The following TRMT2B variants were observed in gnomAD, a reference collection of about 807,000 sequenced individuals.
TRMT2B encodes tRNA methyltransferase 2B, also known as tRNA (uracil-5-)-methyltransferase homolog B.
In TRMT2B, 34 loss-of-function variants were observed where a neutral mutation model predicts 39.7. That is an observed-to-expected ratio of 0.86 (90% CI 0.65 to 1.14). The LOEUF is 1.14. Among genes scored for constraint, TRMT2B ranks in the 50% most tolerant of loss-of-function variants. The pLI is 0.00. For missense variants in TRMT2B, 318 were observed against 377.2 expected (o/e 0.84, Z 1.30); for synonymous variants, 132 against 137.3 (o/e 0.96, Z 0.27).
At chrX:101,045,300 C>A (rs1219705246) in intron 2 of TRMT2B, among the ~76,000 whole-genome samples, 1 of 106,893 alleles carries the variant, frequency 9.4e-6, no homozygotes, top group Non-Finnish European at 1.9e-5. Flanking sequence ...ACTAAAAATA[C>A]AAAATTAGCC....
In TRMT2B at chrX:101,051,479, T is replaced by C. The variant is rs770592600; in HGVS notation, c.-252A>G. 1.3e-6 allele frequency: 1 copy of C among 754,670 alleles called. No homozygotes were observed. The allele number at this position is 754,670 out of a possible 1,213,427, so 62.2% of individuals were successfully genotyped here. A position where few individuals can be genotyped will look rare whatever the true frequency, so the allele number is the denominator to read the frequency against. ...CTCCACTAGCCCTTCCATTCCCTTC[T>C]TCTTTAGGCAAGTTCTGCCCACTGT... On this transcript the variant is annotated 5_prime_UTR_variant, in exon 2 of 14. Coordinates refer to ENST00000372936, the MANE Select transcript of TRMT2B (RefSeq NM_024917.6).
At chrX:100,995,682 G>T in the TRMT2B span, among the ~76,000 whole-genome samples, 2 of 111,855 alleles carry the variant, frequency 1.8e-5, no homozygotes, top group Non-Finnish European at 1.9e-5. Context: ...CTTTAGATCT[G>T]CTCAGAAAAA....
At chrX:100,982,264 G>A in the TRMT2B span, among the ~76,000 whole-genome samples, 1 of 110,966 alleles carries the variant, frequency 9.0e-6, no homozygotes, top group Non-Finnish European at 1.9e-5. Flanking sequence ...GCCAAGGCGG[G>A]TGGATCACCT....
chrX:101,045,148 C>G (rs1486491373), intron 2 of TRMT2B, among the ~76,000 whole-genome samples: 1 of 108,895 alleles, frequency 9.2e-6, no homozygotes, highest in Non-Finnish European at 1.9e-5. Context: ...TATAGTGAGA[C>G]CCATCTCTTA....
rs771940627 is a variant in TRMT2B at position 101,031,660 on chromosome X, AT to A, written c.609+3952del. ...GAGGCGGAGGTTGCAGTGAGCCAAG[AT>A]TGCACCATTGCACTCTAGCCTGGGC... On this transcript the variant is annotated intron_variant, in intron 7 of 13. Transcript: ENST00000372936. 1.8e-3 allele frequency among the ~76,000 whole-genome samples: 198 copies of A among 107,554 alleles called. 1 individual carries two copies. The highest frequency in any genetic ancestry group is 6.6e-3 in the African/African-American group (195 of 29,453). The allele number at this position is 107,554 out of a possible 115,157, so 93.4% of individuals were successfully genotyped here. A position where few individuals can be genotyped will look rare whatever the true frequency, so the allele number is the denominator to read the frequency against.
chrX:101,033,370 G>A lies in TRMT2B; in HGVS notation c.609+2243C>T, dbSNP rs761205237. Among the ~76,000 whole-genome samples the A allele has an allele frequency of 1.4e-4, 15 of 109,965 alleles. No homozygotes were observed. In the South Asian group the frequency reaches 2.3e-3, roughly 17 times the overall value. On this transcript the variant is annotated intron_variant, in intron 7 of 13. Transcript: ENST00000372936. ...AGCACTTTGGGAGGGCGAGGCGGGC[G>A]GATCACCTGAGGTCAGAAGTTCGAG...
At position 101,026,005 on chromosome X, in the gene TRMT2B, GAGAC is replaced by G. The variant is rs1327056822; in HGVS notation, c.610-2393_610-2390del. 1.1e-4 allele frequency among the ~76,000 whole-genome samples: 10 copies of G among 93,472 alleles called. No homozygotes were observed. In the East Asian group the frequency reaches 3.6e-3, roughly 34 times the overall value. 81.2% of individuals were successfully genotyped at this position (93,472 alleles called of 115,157 possible). ...AGAAAGGGAGGGAGGGAAAGAAAGA[GAGAC>G]AGAAAGAGAGAGAAGGACAGAAGGG... On this transcript the variant is annotated intron_variant, in intron 7 of 13. Transcript: ENST00000372936.
At chrX:101,016,815 C>G (rs1272093652) in intron 13 of TRMT2B, among the ~76,000 whole-genome samples, 1 of 109,980 alleles carries the variant, frequency 9.1e-6, no homozygotes, top group Non-Finnish European at 1.9e-5. Context: ...CACCTCTTCC[C>G]AAAGTGCTGG....
the TRMT2B span, chrX:100,990,598 G>A: frequency 6.9e-6 from 8 of 1,153,722 alleles, no homozygotes; most frequent in Non-Finnish European, 9.3e-6. Context: ...AGAGGCTCAA[G>A]AAGAGTGAGA....
At chrX:101,005,880 CAAAAAAAAAAA>C (rs370275736), downstream of TRMT2B, among the ~76,000 whole-genome samples, 118 of 64,257 alleles carry the variant, frequency 1.8e-3, 3 homozygotes, top group African/African-American at 5.7e-3. Context: ...GATTCCCACT[CAAAAAAAAAAA>C]AAAAAAAAAA....
chrX:101,021,825 C>T (rs924157254), intron 9 of TRMT2B, 143 bp downstream of exon 9: 1 of 484,728 alleles, frequency 2.1e-6, no homozygotes, highest in African/African-American at 2.4e-5. Flanking sequence ...TACATTCTGG[C>T]CTGTGTTCCA....
intron 4 of TRMT2B, among the ~76,000 whole-genome samples, chrX:101,039,856 C>T (rs188379431): frequency 8.5e-4 from 93 of 108,955 alleles, no homozygotes; most frequent in African/African-American, 3.0e-3. Flanking sequence ...GCCATAATCA[C>T]ACCTCTGCAT....
chrX:101,020,645 T>G, intron 10 of TRMT2B, 57 bp from the exon 11 acceptor site: 2 of 648,662 alleles, frequency 3.1e-6, no homozygotes, highest in Non-Finnish European at 4.5e-6. Context: ...TGTGGTAGTT[T>G]GTTTGTTTTT....
the TRMT2B span, chrX:100,973,625 T>G: frequency 8.9e-7 from 1 of 1,119,562 alleles, no homozygotes; most frequent in Non-Finnish European, 1.2e-6. Context: ...AAAGGCTCAG[T>G]GTTTATAACA....
chrX:100,981,043 G>C, the TRMT2B span, among the ~76,000 whole-genome samples: 1 of 111,855 alleles, frequency 8.9e-6, no homozygotes, highest in Non-Finnish European at 1.9e-5. Context: ...TGGTGGGAGG[G>C]GTGACACAAG....
chrX:101,038,787 TC>T, intron 4 of TRMT2B, among the ~76,000 whole-genome samples: 1 of 112,009 alleles, frequency 8.9e-6, no homozygotes, highest in Admixed American at 9.5e-5. Context: ...CTCACTCTCG[TC>T]ACCCAATCTG....
At chrX:101,046,727 GACCA>G (rs1351832224) in intron 2 of TRMT2B, among the ~76,000 whole-genome samples, 1 of 110,989 alleles carries the variant, frequency 9.0e-6, no homozygotes, top group East Asian at 2.8e-4. Flanking sequence ...AGGAGTTCAA[GACCA>G]ACCTGACCAA....
At chrX:101,038,614 T>C (rs1000953132) in intron 4 of TRMT2B, among the ~76,000 whole-genome samples, 3 of 111,745 alleles carry the variant, frequency 2.7e-5, no homozygotes, top group Admixed American at 1.9e-4. Context: ...TCAAGGTATA[T>C]GTCAGTTCTG....
intron 7 of TRMT2B, among the ~76,000 whole-genome samples, chrX:101,035,180 CAAGAAAGAAAGAA>C (rs1255006742): frequency 9.0e-6 from 1 of 111,140 alleles, no homozygotes; most frequent in African/African-American, 3.3e-5. Context: ...AGACCTCATC[CAAGAAAGAAAGAA>C]AAGAAAGAAA....
Sources: allele counts gnomAD v4.1 joint callset (sites outside exome capture counted in the v4.1 genomes callset), GRCh38; gene constraint gnomAD v4.1.1; transcripts MANE v1.5; gene names NCBI Gene and HGNC (gene_info 2026-07-23, HGNC 2026-07-21).